The following DPP10 variants were observed in gnomAD, a reference collection of about 807,000 sequenced individuals.
DPP10 encodes dipeptidyl peptidase like 10, also known as inactive dipeptidyl peptidase 10.
A neutral mutation model predicts 120.9 loss-of-function variants in DPP10; 33 were observed. The ratio of observed to expected loss-of-function variants is 0.27; its 90% CI spans 0.21 to 0.37. The LOEUF is 0.37. Ranked by LOEUF, DPP10 falls within the 10% of genes least tolerant of loss-of-function variation. DPP10 has a pLI of 1.00. For synonymous variants in DPP10, 337 were observed against 326.1 expected (o/e 1.03, Z -0.36); for missense variants, 816 against 942.8 (o/e 0.87, Z 1.76).
chr2:114,893,533 C>A (rs1692716128), intron 1 of DPP10, among the ~76,000 whole-genome samples: 1 of 151,946 alleles, frequency 6.6e-6, no homozygotes, highest in Non-Finnish European at 1.5e-5. Flanking sequence ...GGGAAGAGAA[C>A]CAGCATGAAG....
At chr2:115,262,903 A>G (rs79728825) in intron 1 of DPP10, among the ~76,000 whole-genome samples, 4 of 149,468 alleles carry the variant, frequency 2.7e-5, no homozygotes, top group African/African-American at 9.8e-5. Flanking sequence ...AAGGAAAAAA[A>G]CATAAACCAA....
chr2:115,461,217 G>A (rs1253953408), intron 3 of DPP10, among the ~76,000 whole-genome samples: 1 of 148,298 alleles, frequency 6.7e-6, no homozygotes, highest in Non-Finnish European at 1.5e-5. Flanking sequence ...TTTTTTTTTA[G>A]TAAAATTTAA....
chr2:114,713,454 A>G (rs1356372778), intron 1 of DPP10, among the ~76,000 whole-genome samples: 1 of 152,216 alleles, frequency 6.6e-6, no homozygotes, highest in Non-Finnish European at 1.5e-5. Context: ...CTAAAGCCCT[A>G]TCGGAAAATA....
intron 1 of DPP10, among the ~76,000 whole-genome samples, chr2:114,890,525 C>T (rs1692455272): frequency 6.6e-6 from 1 of 152,152 alleles, no homozygotes; most frequent in Non-Finnish European, 1.5e-5. Context: ...AAATGCAGAA[C>T]AACCCCCGAT....
At chr2:114,594,931 C>G (rs535995365) in intron 1 of DPP10, among the ~76,000 whole-genome samples, 2 of 152,016 alleles carry the variant, frequency 1.3e-5, no homozygotes, top group Non-Finnish European at 2.9e-5. Context: ...GACTGTCTCT[C>G]TCTGTCTCCC....
chr2:114,526,155 G>T lies in DPP10; in HGVS notation c.60+83317G>T, dbSNP rs552815940. ...AACAATGCTTATTCATCATTTCTGG[G>T]GCACTGGCTGCTGTGCCAGCCAAGG... On this transcript the variant is annotated intron_variant, in intron 1 of 25. Coordinates refer to ENST00000410059, the MANE Select transcript of DPP10 (RefSeq NM_020868.6). 2.0e-5 allele frequency among the ~76,000 whole-genome samples: 3 copies of T among 152,272 alleles called. No homozygotes were observed. The South Asian group carries it at 6.2e-4, about 32-fold the overall frequency.
intron 5 of DPP10, among the ~76,000 whole-genome samples, chr2:115,601,914 C>T (rs1349846419): frequency 6.6e-6 from 1 of 151,534 alleles, no homozygotes; most frequent in Non-Finnish European, 1.5e-5. Flanking sequence ...ATCTTCTGAC[C>T]TTGTGATCCG....
rs186817327 is a variant in DPP10 at position 114,880,837 on chromosome 2, T to C, written c.61-428402T>C. ...AAATCAATTTCAAAACCCAGTGCGA[T>C]GCGGATGTGGTGGAATTGTATGCAT... On this transcript the variant is annotated intron_variant, in intron 1 of 25. Transcript: ENST00000410059. Among the ~76,000 whole-genome samples, 63 of 152,246 alleles carry C rather than the reference T, an allele frequency of 4.1e-4. No individual in the cohort carries two copies. The East Asian group carries it at 4.2e-3, about 10-fold the overall frequency.
intron 1 of DPP10, among the ~76,000 whole-genome samples, chr2:114,977,424 G>A (rs185862223): frequency 2.0e-4 from 30 of 152,060 alleles, no homozygotes; most frequent in Admixed American, 1.6e-3. Context: ...TTATTTGAAC[G>A]GTGGATACTA....
At chr2:114,577,807 T>C (rs534640784) in intron 1 of DPP10, among the ~76,000 whole-genome samples, 1 of 152,302 alleles carries the variant, frequency 6.6e-6, no homozygotes, top group African/African-American at 2.4e-5. Context: ...GCTGGCAATC[T>C]TTGGAAGAAG....
chr2:115,146,698 T>A (rs1397208195), intron 1 of DPP10, among the ~76,000 whole-genome samples: 2 of 152,082 alleles, frequency 1.3e-5, no homozygotes, highest in Non-Finnish European at 2.9e-5. Flanking sequence ...TCAATTGAAA[T>A]CATAATCACC....
chr2:115,493,245 A>G (rs1335494411), intron 3 of DPP10, among the ~76,000 whole-genome samples: 1 of 152,074 alleles, frequency 6.6e-6, no homozygotes, highest in African/African-American at 2.4e-5. Flanking sequence ...GTGAGTGGTC[A>G]TAAAGAACAA....
intron 1 of DPP10, among the ~76,000 whole-genome samples, chr2:114,946,031 G>A (rs531483186): frequency 5.3e-5 from 8 of 152,178 alleles, no homozygotes; most frequent in Admixed American, 5.2e-4. Context: ...AAATTGTCAA[G>A]GCCATCAAAA....
chr2:114,885,216 G>A (rs535420577), intron 1 of DPP10, among the ~76,000 whole-genome samples: 40 of 152,242 alleles, frequency 2.6e-4, no homozygotes, highest in East Asian at 7.7e-4. Context: ...TTACAATCAC[G>A]GCAGAAGCCA....
intron 1 of DPP10, among the ~76,000 whole-genome samples, chr2:114,705,235 A>T (rs1700617418): frequency 6.6e-6 from 1 of 152,116 alleles, no homozygotes. Context: ...GAATGGAGAA[A>T]ATTCTTATCC....
intron 1 of DPP10, among the ~76,000 whole-genome samples, chr2:114,938,608 T>C (rs1696660107): frequency 6.6e-6 from 1 of 152,142 alleles, no homozygotes; most frequent in African/African-American, 2.4e-5. Context: ...TTTAATTGGC[T>C]AATTTTCCAA....
chr2:115,662,022 C>G (rs1248559168), intron 5 of DPP10, among the ~76,000 whole-genome samples: 1 of 152,052 alleles, frequency 6.6e-6, no homozygotes, highest in African/African-American at 2.4e-5. Context: ...CTTCTCATTT[C>G]CCCCTCCCCT....
At chr2:115,010,762 C>T (rs1038642815) in intron 1 of DPP10, among the ~76,000 whole-genome samples, 2 of 152,166 alleles carry the variant, frequency 1.3e-5, no homozygotes, top group African/African-American at 4.8e-5. Context: ...GAGTTCATGA[C>T]TCATGTCATG....
rs1375268726 is a variant in DPP10 at position 115,485,018 on chromosome 2, C to G, written c.272-14492C>G. ...CCCGGGAGGCAGAGGTTGCAGTGAG[C>G]TGAGATTGTGCCACTATACTCCAGC... On this transcript the variant is annotated intron_variant, in intron 3 of 25. Coordinates refer to ENST00000410059, the MANE Select transcript of DPP10 (RefSeq NM_020868.6). Among the ~76,000 whole-genome samples, 6 of 152,182 alleles carry G rather than the reference C, an allele frequency of 3.9e-5. No homozygotes were observed. In the East Asian group the frequency reaches 9.7e-4, roughly 25 times the overall value.
Sources: gnomAD v4.1 joint callset for allele counts (sites outside exome capture counted in the v4.1 genomes callset) on GRCh38, gnomAD v4.1.1 for gene constraint, MANE v1.5 for transcripts, NCBI Gene and HGNC (gene_info 2026-07-23, HGNC 2026-07-21) for gene names.